VPS13D: variants seen among roughly 807,000 people sequenced by gnomAD.
VPS13D encodes the protein intermembrane lipid transfer protein VPS13D.
Under a neutral mutation model 461.9 loss-of-function variants are expected in VPS13D, and 187 were observed. That is an observed-to-expected ratio of 0.40 (90% CI 0.36 to 0.46). VPS13D has a LOEUF of 0.46. VPS13D is among the 20% of genes least tolerant of loss of function. The pLI is 0.60. For synonymous variants in VPS13D, 1,951 were observed against 1,986.3 expected (o/e 0.98, Z 0.47); for missense variants, 4,711 against 5,364.9 (o/e 0.88, Z 3.81).
intron 66 of VPS13D, among the ~76,000 whole-genome samples, chr1:12,458,236 C>T (rs1422489692): frequency 2.6e-5 from 4 of 152,088 alleles, no homozygotes; most frequent in African/African-American, 7.2e-5. Flanking sequence ...ATGAAAAGAC[C>T]TTTAGAAGGT....
intron 24 of VPS13D, among the ~76,000 whole-genome samples, chr1:12,294,059 G>A (rs980110902): frequency 1.3e-5 from 2 of 152,164 alleles, no homozygotes; most frequent in Admixed American, 6.5e-5. Flanking sequence ...AACTGAGTTC[G>A]TGGCCCCCGT....
At chr1:12,266,475 C>G (rs148238083) in intron 13 of VPS13D, among the ~76,000 whole-genome samples, 3,132 of 152,328 alleles carry the variant, frequency 0.021, 153 homozygotes, top group Admixed American at 0.12. Context: ...CTTCCATCAG[C>G]AAAAAGATTA....
rs115022627 is a variant in VPS13D, at chr1:12,401,031, T to C, written c.11785-577T>C. ...TAACCCTGAAATATTGGGAAAGGGC[T>C]ATGATGGGTCTGACCTTGAGACAGA... On this transcript the variant is annotated intron_variant, in intron 61 of 69. Coordinates refer to ENST00000620676, the MANE Select transcript of VPS13D (RefSeq NM_015378.4). Among the ~76,000 whole-genome samples the C allele has an allele frequency of 5.9e-3, 901 of 151,558 alleles. 12 individuals carry two copies. The highest frequency in any genetic ancestry group is 0.02 in the African/African-American group (811 of 41,250).
At chr1:12,388,736 C>T (rs181577859) in intron 60 of VPS13D, among the ~76,000 whole-genome samples, 7 of 151,994 alleles carry the variant, frequency 4.6e-5, no homozygotes, top group South Asian at 2.1e-4. Context: ...TTGTAAACAC[C>T]GTAATCAAAA....
At position 12,473,361 on chromosome 1, in the gene VPS13D, A is replaced by G. The variant is rs1378182679; in HGVS notation, c.12662+12965A>G. The stretch of plus-strand genomic sequence containing the variant: ...GTGGCAGTCAGTGTGAAAAGAAACC[A>G]CGCATTTGCAGGAAGCAAGAAGGGG... On this transcript the variant is annotated intron_variant, in intron 67 of 69. Coordinates refer to ENST00000620676, the MANE Select transcript of VPS13D (RefSeq NM_015378.4). The surrounding 1 kb of genome is among the most constrained non-coding windows in gnomAD (Gnocchi z 4.2). 6.6e-6 allele frequency among the ~76,000 whole-genome samples: 1 copy of G among 152,174 alleles called. No homozygotes were observed. Among genetic ancestry groups the G allele is most frequent in the Admixed American group, 6.5e-5 (1 of 15,274 alleles).
intron 25 of VPS13D, among the ~76,000 whole-genome samples, chr1:12,303,010 A>T (rs1310904345): frequency 6.6e-6 from 1 of 152,178 alleles, no homozygotes; most frequent in Admixed American, 6.5e-5. Context: ...CACATCTGTG[A>T]AGTTCACCTC....
intron 37 of VPS13D, among the ~76,000 whole-genome samples, chr1:12,330,613 G>T (rs148334377): frequency 0.019 from 2,818 of 152,094 alleles, 95 homozygotes; most frequent in East Asian, 0.13. Flanking sequence ...TGTCACCCAG[G>T]CTGGAGTGCA....
chr1:12,388,514 C>T (rs1253347422), intron 60 of VPS13D, among the ~76,000 whole-genome samples: 1 of 150,674 alleles, frequency 6.6e-6, no homozygotes, highest in African/African-American at 2.4e-5. Flanking sequence ...GTGGAGGTTG[C>T]ATTGAGCCAA....
At chr1:12,330,596 C>T (rs1255984739) in intron 37 of VPS13D, among the ~76,000 whole-genome samples, 1 of 152,042 alleles carries the variant, frequency 6.6e-6, no homozygotes, top group Non-Finnish European at 1.5e-5. Context: ...GAGACCGAGT[C>T]TCACTCTGTC....
chr1:12,242,187 C>T (rs969727444), intron 2 of VPS13D, among the ~76,000 whole-genome samples: 1 of 152,208 alleles, frequency 6.6e-6, no homozygotes, highest in African/African-American at 2.4e-5. Context: ...GCCTAAGCTT[C>T]AGCTCTCATG....
chr1:12,459,092 T>C (rs1023992297), intron 66 of VPS13D, among the ~76,000 whole-genome samples: 4 of 152,220 alleles, frequency 2.6e-5, no homozygotes, highest in Admixed American at 1.3e-4. Flanking sequence ...ATAGTGTTCT[T>C]TGAAAATTGC....
intron 34 of VPS13D, 83 bp downstream of exon 34, chr1:12,322,829 T>C: frequency 8.6e-7 from 1 of 1,168,996 alleles, no homozygotes; most frequent in Non-Finnish European, 1.2e-6. Flanking sequence ...TTTGCACAAC[T>C]AAATTGTACA....
chr1:12,382,908 G>A (rs1644301745), intron 57 of VPS13D, 68 bp from the exon 58 acceptor site: 1 of 1,423,924 alleles, frequency 7.0e-7, no homozygotes, highest in African/African-American at 1.4e-5. Flanking sequence ...TGTTTGAAAT[G>A]ATGTGTTAAC....
intron 55 of VPS13D, among the ~76,000 whole-genome samples, chr1:12,377,217 G>A (rs914326236): frequency 9.2e-5 from 14 of 151,550 alleles, no homozygotes; most frequent in African/African-American, 2.7e-4. Flanking sequence ...GCGCCACCAC[G>A]CCCAGCTAAT....
At chr1:12,324,977 C>T (rs1335379688) in intron 35 of VPS13D, among the ~76,000 whole-genome samples, 1 of 152,206 alleles carries the variant, frequency 6.6e-6, no homozygotes, top group Non-Finnish European at 1.5e-5. Flanking sequence ...CTACCTGCCT[C>T]CTAAATCTGT....
chr1:12,238,229 C>A (rs1394142698), intron 2 of VPS13D, among the ~76,000 whole-genome samples: 1 of 115,112 alleles, frequency 8.7e-6, no homozygotes, highest in Non-Finnish European at 1.7e-5. Flanking sequence ...CCAAAAAATC[C>A]CCCCCAAAAA....
chr1:12,328,556 A>G (rs1323335121), intron 36 of VPS13D, among the ~76,000 whole-genome samples: 1 of 148,466 alleles, frequency 6.7e-6, no homozygotes, highest in Non-Finnish European at 1.5e-5. Flanking sequence ...TTTTTTTTTT[A>G]TGAGACGGAG....
intron 36 of VPS13D, among the ~76,000 whole-genome samples, chr1:12,328,662 C>T (rs1232316872): frequency 6.6e-6 from 1 of 152,042 alleles, no homozygotes; most frequent in East Asian, 1.9e-4. Context: ...TGCTTCAGTC[C>T]CCCGAGTAGC....
At chr1:12,293,873 A>G (rs1642201577) in intron 24 of VPS13D, among the ~76,000 whole-genome samples, 169 bp downstream of exon 24, 1 of 152,166 alleles carries the variant, frequency 6.6e-6, no homozygotes, top group Non-Finnish European at 1.5e-5. Flanking sequence ...TTTGTTCCTT[A>G]TTTATTGTAT....
Sources: gnomAD v4.1 joint callset for allele counts (sites outside exome capture counted in the v4.1 genomes callset) on GRCh38, gnomAD v4.1.1 for gene constraint, Gnocchi (gnomAD v3.1) non-coding constraint, MANE v1.5 for transcripts, NCBI Gene and HGNC (gene_info 2026-07-23, HGNC 2026-07-21) for gene names.